Variants in TK2 observed in about 807,000 individuals in gnomAD.
TK2 encodes thymidine kinase 2.
In TK2, 35 loss-of-function variants were observed where a neutral mutation model predicts 41.9. The observed-to-expected ratio is 0.84, with a 90% confidence interval of 0.64 to 1.11. TK2 has a LOEUF of 1.11. TK2 is among the 50% of genes least tolerant of loss of function. TK2 has a pLI of 0.00. For missense variants in TK2, 320 were observed against 351.1 expected (o/e 0.91, Z 0.71); for synonymous variants, 128 against 129.1 (o/e 0.99, Z 0.06).
intron 2 of TK2, among the ~76,000 whole-genome samples, chr16:66,544,309 A>ATTTT (rs919177607): frequency 2.0e-5 from 3 of 152,240 alleles, no homozygotes; most frequent in Non-Finnish European, 2.9e-5. Context: ...GTCTAAAAAT[A>ATTTT]TTATAAGAGA....
At position 66,549,006 on chromosome 16, in the gene TK2, T is replaced by A; in HGVS notation, c.128A>T (p.Lys43Ile). The A allele has an allele frequency of 1.9e-6, 3 of 1,613,870 alleles. No individual in the cohort carries two copies. The highest frequency in any genetic ancestry group is 2.5e-6 in the Non-Finnish European group (3 of 1,179,762). ...TGATTTTTTCTCTTTTTCCTGTTCT[T>A]TATCTACAAAAGAAAGGAAATCAGT... is the stretch of plus-strand genomic sequence containing the variant. ...RVQRRAWPPD[K>I]EQEKEKKSVI... The change falls in exon 2 of 10, where the codon AAA (lysine) becomes ATA (isoleucine). Residue 43 changes from lysine (K) to isoleucine (I), a missense_variant. Transcript: ENST00000544898.
chr16:66,542,555 C>G (rs931759982), intron 2 of TK2, among the ~76,000 whole-genome samples: 2 of 152,092 alleles, frequency 1.3e-5, no homozygotes, highest in African/African-American at 4.8e-5. Context: ...TCACAGAAAA[C>G]AAAAATGAGG....
Position 66,550,070 on chromosome 16 carries a change from G to A in TK2, c.-9C>T. On this transcript the variant is annotated 5_prime_UTR_variant, in exon 1 of 10. Transcript: ENST00000544898. Reference sequence around the variant, plus strand: ...AGCGGCCACAGCAGCATAGCCGGGCGAGCGGATCCAGAGGCCCGGGGTTCC... The same window carrying A: ...AGCGGCCACAGCAGCATAGCCGGGCAAGCGGATCCAGAGGCCCGGGGTTCC... 6.3e-7 allele frequency: 1 copy of A among 1,592,418 alleles called. No individual in the cohort carries two copies. The highest frequency in any genetic ancestry group is 1.1e-5 in the South Asian group (1 of 88,170).
At chr16:66,531,551 C>T in intron 4 of TK2, 82 bp from the exon 5 acceptor site, 1 of 1,317,294 alleles carries the variant, frequency 7.6e-7, no homozygotes, top group Non-Finnish European at 1.1e-6. Context: ...TGAAGGACAG[C>T]TCAAGAAACC....
At chr16:66,537,077 G>A in intron 3 of TK2, 60 bp from the exon 4 acceptor site, 1 of 1,599,516 alleles carries the variant, frequency 6.3e-7, no homozygotes, top group African/African-American at 1.3e-5. Context: ...GTAAAAGTGT[G>A]TAAGTGTTGA....
intron 6 of TK2, 124 bp downstream of exon 6, chr16:66,528,870 C>T: frequency 1.1e-6 from 1 of 907,592 alleles, no homozygotes; most frequent in Non-Finnish European, 1.8e-6. Flanking sequence ...CACCGCATTG[C>T]TATGGCAATG....
intron 1 of TK2, 136 bp from the exon 2 acceptor site, chr16:66,549,145 C>T (rs968443955): frequency 4.6e-6 from 7 of 1,533,274 alleles, no homozygotes; most frequent in Non-Finnish European, 6.1e-6. Context: ...TTTGGGCGCC[C>T]TCCGAGATTG....
chr16:66,544,614 G>C (rs986917517), intron 2 of TK2, among the ~76,000 whole-genome samples: 1 of 152,094 alleles, frequency 6.6e-6, no homozygotes, highest in South Asian at 2.1e-4. Flanking sequence ...GCACATGGCC[G>C]GCCTGGCCCA....
At chr16:66,529,138 C>T in intron 5 of TK2, 71 bp from the exon 6 acceptor site, 1 of 1,408,410 alleles carries the variant, frequency 7.1e-7, no homozygotes, top group South Asian at 1.2e-5. Flanking sequence ...TGAGAAATGT[C>T]TGTTACTCCC....
At chr16:66,528,281 G>A (rs1404996641) in intron 6 of TK2, among the ~76,000 whole-genome samples, 1 of 152,212 alleles carries the variant, frequency 6.6e-6, no homozygotes, top group African/African-American at 2.4e-5. Flanking sequence ...GAAATCGGCA[G>A]TCTCTGAGCA....
chr16:66,547,803 G>A (rs1438380163), intron 2 of TK2, among the ~76,000 whole-genome samples: 1 of 152,174 alleles, frequency 6.6e-6, no homozygotes, highest in African/African-American at 2.4e-5. Flanking sequence ...GGACTTGAAT[G>A]TTTACAAACA....
At chr16:66,545,521 T>C (rs1403259235) in intron 2 of TK2, among the ~76,000 whole-genome samples, 1 of 152,088 alleles carries the variant, frequency 6.6e-6, no homozygotes, top group Non-Finnish European at 1.5e-5. Flanking sequence ...GGCAGATGCA[T>C]GTCAAAATAT....
At position 66,517,450 on chromosome 16, in the gene TK2, C is replaced by T; in HGVS notation, c.539-235G>A. On this transcript the variant is annotated intron_variant, in intron 7 of 9. Coordinates refer to ENST00000544898, the MANE Select transcript of TK2 (RefSeq NM_004614.5). This position sits in a 1 kb window ranked among gnomAD's most constrained non-coding sequence, Gnocchi z 4.3. ...TTCTGTTCATAGACAGAGCTCAAAA[C>T]AGGCCTCACACCCAGCAGGTCTCAG... is the stretch of plus-strand genomic sequence containing the variant. The T allele has an allele frequency of 1.6e-6, 1 of 616,342 alleles. No homozygotes were observed. Among genetic ancestry groups the T allele is most frequent in the Non-Finnish European group, 2.9e-6 (1 of 345,596 alleles). 38.2% of individuals were successfully genotyped at this position (616,342 alleles called of 1,614,324 possible).
At chr16:66,521,830 G>A (rs1177467067) in intron 6 of TK2, among the ~76,000 whole-genome samples, 1 of 152,130 alleles carries the variant, frequency 6.6e-6, no homozygotes, top group Non-Finnish European at 1.5e-5. Context: ...AGTGGGCATG[G>A]GGGTCTCACC....
chr16:66,549,944 GC>G lies in TK2; in HGVS notation c.117del (p.Trp39CysfsTer14). The G allele has an allele frequency of 7.4e-7, 1 of 1,358,960 alleles. No individual in the cohort carries two copies. Among genetic ancestry groups the G allele is most frequent in the Non-Finnish European group, 9.4e-7 (1 of 1,064,708 alleles). The allele number at this position is 1,358,960 out of a possible 1,614,324, so 84.2% of individuals were successfully genotyped here. A position where few individuals can be genotyped will look rare whatever the true frequency, so the allele number is the denominator to read the frequency against. ...GGACCAAGACGCGCGTTACCGGGAGGCCAGGCCCGGCGCTGCACCCTCCGCG... is the reference window on the plus strand; with the variant it reads ...GGACCAAGACGCGCGTTACCGGGAGGCAGGCCCGGCGCTGCACCCTCCGCG... ...PGPRRVQRRAWPPDKEQEKEK... is the reference protein window; with the variant it reads ...PGPRRVQRRAXPPDKEQEKEK... On this transcript the variant is annotated frameshift_variant, in exon 1 of 10. Transcript: ENST00000544898. LOFTEE classifies it high-confidence loss of function.
chr16:66,528,261 A>C lies in TK2; in HGVS notation c.449+733T>G, dbSNP rs1964996057. Among the ~76,000 whole-genome samples the C allele has an allele frequency of 2.0e-5, 3 of 152,106 alleles. No homozygotes were observed. The South Asian group carries it at 6.2e-4, about 32-fold the overall frequency. On this transcript the variant is annotated intron_variant, in intron 6 of 9. Transcript: ENST00000544898. ...CAGGTGGGGTCTGCAACCCATTTCC[A>C]AGACCCCTAGAAATCGGCAGTCTCT...
At chr16:66,525,062 C>T (rs1255196764) in intron 6 of TK2, 1 of 152,262 alleles carries the variant, frequency 6.6e-6, no homozygotes, top group Non-Finnish European at 1.5e-5. Context: ...CCTTATCTGC[C>T]CAATAGGGTC....
chr16:66,541,800 AC>A (rs767628874), intron 3 of TK2, 78 bp downstream of exon 3: 114 of 1,449,734 alleles, frequency 7.9e-5, no homozygotes, highest in Non-Finnish European at 1.1e-4. Context: ...GTCCTATTGG[AC>A]AAGGTTAGTC....
chr16:66,530,051 G>A (rs1316009144), intron 5 of TK2, among the ~76,000 whole-genome samples: 4 of 152,174 alleles, frequency 2.6e-5, no homozygotes, highest in East Asian at 1.9e-4. Flanking sequence ...TGCCTGCTCA[G>A]GAAAAGCAAA....
Sources: gnomAD v4.1 joint callset for allele counts (sites outside exome capture counted in the v4.1 genomes callset) on GRCh38, gnomAD v4.1.1 for gene constraint, Gnocchi (gnomAD v3.1) non-coding constraint, MANE v1.5 for transcripts, NCBI Gene and HGNC (gene_info 2026-07-23, HGNC 2026-07-21) for gene names.